The following RALGAPA1 variants were observed in gnomAD, a reference collection of about 807,000 sequenced individuals.
RALGAPA1 encodes Ral GTPase activating protein catalytic subunit alpha 1.
In RALGAPA1, 52 loss-of-function variants were observed where a neutral mutation model predicts 269.6. The ratio of observed to expected loss-of-function variants is 0.19; its 90% CI spans 0.15 to 0.24. The LOEUF (loss-of-function observed/expected upper bound fraction) is 0.24. RALGAPA1 is among the 10% of genes least tolerant of loss of function. RALGAPA1 has a pLI of 1.00. For synonymous variants in RALGAPA1, 817 were observed against 1,008.3 expected (o/e 0.81, Z 3.60); for missense variants, 1,917 against 3,013.9 (o/e 0.64, Z 8.52).
rs1353857471 is a variant in RALGAPA1 at position 35,570,714 on chromosome 14, C to T, written c.7399G>A (p.Ala2467Thr). 18 of 1,606,802 alleles carry T rather than the reference C, an allele frequency of 1.1e-5. No individual in the cohort carries two copies. Among genetic ancestry groups the T allele is most frequent in the Non-Finnish European group, 1.4e-5 (17 of 1,177,304 alleles). ...GGTAGAACCTTTCCATTCACAATAGCACCATCAAAAAGGGGACCAAAGAAG... is the reference window on the plus strand; with the variant it reads ...GGTAGAACCTTTCCATTCACAATAGTACCATCAAAAAGGGGACCAAAGAAG... ...VPFFGPLFDG[A>T]IVNGKVLPIM... is the part of the protein sequence containing the mutation. Residue 2467 changes from alanine (A) to threonine (T), a missense_variant, in exon 39 of 42, where the codon GCT becomes ACT. By Grantham distance (58) the Ala-to-Thr change is moderately conservative. Transcript: ENST00000680220.
At chr14:35,570,897 A>C (rs952855720) in intron 38 of RALGAPA1, among the ~76,000 whole-genome samples, 153 bp from the exon 39 acceptor site, 2 of 152,178 alleles carry the variant, frequency 1.3e-5, no homozygotes, top group African/African-American at 4.8e-5. Context: ...CTTTTCTGTG[A>C]TGGGTCACTC....
intron 41 of RALGAPA1, 133 bp from the exon 42 acceptor site, chr14:35,539,823 A>G: frequency 4.6e-6 from 6 of 1,318,046 alleles, no homozygotes; most frequent in Non-Finnish European, 6.2e-6. Context: ...GCAAGCCCCA[A>G]ACTTGCTTGT....
intron 14 of RALGAPA1, among the ~76,000 whole-genome samples, chr14:35,724,161 C>T (rs184538786): frequency 6.6e-6 from 1 of 152,140 alleles, no homozygotes; most frequent in African/African-American, 2.4e-5. Flanking sequence ...CTCCCATCAT[C>T]GGGTTAGCTC....
rs886164450 is a variant in RALGAPA1, at chr14:35,541,863, T to C, written c.*24-2173A>G. 8.6e-6 allele frequency: 4 copies of C among 464,490 alleles called. No homozygotes were observed. The East Asian group carries it at 2.1e-4, about 24-fold the overall frequency. The allele number at this position is 464,490 out of a possible 1,614,324, so 28.8% of individuals were successfully genotyped here. On this transcript the variant is annotated intron_variant, in intron 41 of 41. Transcript: ENST00000680220. The stretch of plus-strand genomic sequence containing the variant: ...AGAAGTGAGAAAGCAAAAGAGAAGA[T>C]AGATAACAGATATGAGAGACACAGT...
chr14:35,634,045 G>T (rs979612141), intron 33 of RALGAPA1, among the ~76,000 whole-genome samples: 13 of 152,036 alleles, frequency 8.6e-5, no homozygotes, highest in Non-Finnish European at 1.9e-4. Flanking sequence ...GCAATTGAGA[G>T]TCAAAATTCA....
rs772979633 is a variant in RALGAPA1, at chr14:35,627,201, A to G, written c.6746T>C (p.Leu2249Ser). The stretch of plus-strand genomic sequence containing the variant: ...ATCTTGTTCCACAGCTTTCATGTTT[A>G]AGTCATTAAAGTGCTTCTCAACAAA... Reference protein sequence around the residue: ...KEFVEKHFNDLNMKAVEQDEP... With the variant: ...KEFVEKHFNDSNMKAVEQDEP... Residue 2249 changes from leucine (L) to serine (S), a missense_variant, in exon 34 of 42, where the codon TTA becomes TCA. Leu to Ser is a moderately radical substitution (Grantham distance 145). Transcript: ENST00000680220. 1 of 1,598,164 alleles carries G rather than the reference A, an allele frequency of 6.3e-7. No homozygotes were observed. The highest frequency in any genetic ancestry group is 1.8e-5 in the Admixed American group (1 of 55,388).
chr14:35,786,020 G>A (rs974856959), intron 1 of RALGAPA1, among the ~76,000 whole-genome samples: 6 of 152,070 alleles, frequency 3.9e-5, no homozygotes, highest in African/African-American at 1.4e-4. Context: ...AGCTGGGCGT[G>A]GTAGTGCACA....
At chr14:35,742,223 AT>A (rs2071624825) in intron 11 of RALGAPA1, 144 bp downstream of exon 11, 1 of 664,684 alleles carries the variant, frequency 1.5e-6, no homozygotes, top group Admixed American at 2.9e-5. Flanking sequence ...GACTACTTAT[AT>A]TACCTAAATT....
chr14:35,638,878 A>G (rs914191068), intron 31 of RALGAPA1, among the ~76,000 whole-genome samples: 6 of 152,180 alleles, frequency 3.9e-5, no homozygotes, highest in Non-Finnish European at 8.8e-5. Flanking sequence ...GTGAGCTGAG[A>G]TTGCGCCGCT....
intron 4 of RALGAPA1, 62 bp from the exon 5 acceptor site, chr14:35,762,815 C>A: frequency 9.6e-7 from 1 of 1,039,336 alleles, no homozygotes; most frequent in Non-Finnish European, 1.5e-6. Flanking sequence ...TCAGAGTTCT[C>A]GGTCGGACTT....
chr14:35,587,533 G>A (rs1594715065), intron 37 of RALGAPA1, among the ~76,000 whole-genome samples: 1 of 152,166 alleles, frequency 6.6e-6, no homozygotes, highest in Non-Finnish European at 1.5e-5. Flanking sequence ...GGAATACTAT[G>A]CAGCCATAAA....
intron 35 of RALGAPA1, among the ~76,000 whole-genome samples, chr14:35,618,747 T>C (rs776696385): frequency 1.5e-4 from 23 of 152,126 alleles, no homozygotes; most frequent in Non-Finnish European, 4.4e-5. Flanking sequence ...TTCACTTCAG[T>C]GTTTGTAAAC....
intron 26 of RALGAPA1, among the ~76,000 whole-genome samples, chr14:35,665,254 C>A (rs1280699451): frequency 1.3e-5 from 2 of 152,108 alleles, no homozygotes; most frequent in Non-Finnish European, 2.9e-5. Context: ...ATTGCCTATA[C>A]CACTTACTAG....
At chr14:35,568,852 A>C (rs2056927642) in intron 39 of RALGAPA1, among the ~76,000 whole-genome samples, 1 of 152,242 alleles carries the variant, frequency 6.6e-6, no homozygotes, top group South Asian at 2.1e-4. Context: ...CCATGTCCAT[A>C]CTACTCACTG....
intron 16 of RALGAPA1, chr14:35,715,866 G>A (rs2068772556): frequency 1.0e-6 from 1 of 985,222 alleles, no homozygotes. Flanking sequence ...TGTGCTTACT[G>A]CTCATCACTC....
intron 33 of RALGAPA1, among the ~76,000 whole-genome samples, chr14:35,634,123 C>A (rs950272096): frequency 2.6e-5 from 4 of 151,962 alleles, no homozygotes; most frequent in Non-Finnish European, 5.9e-5. Context: ...TCAAAAAGAA[C>A]TTCTAAGAAT....
At chr14:35,792,648 C>T (rs765213571) in intron 1 of RALGAPA1, among the ~76,000 whole-genome samples, 9 of 151,500 alleles carry the variant, frequency 5.9e-5, no homozygotes, top group Non-Finnish European at 1.3e-4. Context: ...CCGGGTATGG[C>T]GGTGCATGCC....
At chr14:35,613,185 G>A (rs765443743) in intron 35 of RALGAPA1, among the ~76,000 whole-genome samples, 31 of 151,690 alleles carry the variant, frequency 2.0e-4, no homozygotes, top group Non-Finnish European at 7.4e-5. Context: ...GGGTTCAAGC[G>A]ATTCTAGTGT....
chr14:35,765,891 A>C, intron 4 of RALGAPA1: 2 of 1,021,320 alleles, frequency 2.0e-6, no homozygotes, highest in Non-Finnish European at 3.0e-6. Context: ...TAATGGAAAA[A>C]CAAATTTAGA....
Sources: gnomAD v4.1 joint callset for allele counts (sites outside exome capture counted in the v4.1 genomes callset) on GRCh38, gnomAD v4.1.1 for gene constraint, MANE v1.5 for transcripts, NCBI Gene and HGNC (gene_info 2026-07-23, HGNC 2026-07-21) for gene names.